CACNB2: variants seen among roughly 807,000 people sequenced by gnomAD.
CACNB2 encodes voltage-dependent L-type calcium channel subunit beta-2.
In CACNB2, 42 loss-of-function variants were observed where a neutral mutation model predicts 73.3. The ratio of observed to expected loss-of-function variants is 0.57; its 90% CI spans 0.45 to 0.74. The LOEUF (loss-of-function observed/expected upper bound fraction) is 0.74. CACNB2 is among the 30% of genes least tolerant of loss of function. The probability of loss-of-function intolerance (pLI) is 0.00; values close to 1 mark genes in which losing one functional copy is unlikely to be tolerated. For synonymous variants in CACNB2, 348 were observed against 310.3 expected (o/e 1.12, Z -1.28); for missense variants, 940 against 853.0 (o/e 1.10, Z -1.27).
chr10:18,371,695 T>G (rs1444311785), intron 2 of CACNB2, among the ~76,000 whole-genome samples: 1 of 152,218 alleles, frequency 6.6e-6, no homozygotes, highest in Non-Finnish European at 1.5e-5. Context: ...CAGCATGATT[T>G]ATAATCCTTT....
chr10:18,140,853 A>G lies in CACNB2; in HGVS notation c.117A>G (p.Ala39=), dbSNP rs781053026. The stretch of plus-strand genomic sequence containing the variant: ...CCGCGGGGGCGCTCGGAGCCGCCGC[A>G]CAGGTAGCGAGAGCGCGGCGCCTTC... ...VAPAGALGAA[A]QSYGKGARRK... The change falls in exon 1 of 14, where the codon GCA becomes GCG. Residue 39 remains alanine (A), a synonymous_variant. Coordinates refer to ENST00000324631, the MANE Select transcript of CACNB2 (RefSeq NM_201596.3). 9.4e-6 allele frequency: 15 copies of G among 1,599,596 alleles called. No homozygotes were observed. Among genetic ancestry groups the G allele is most frequent in the Admixed American group, 5.2e-5 (3 of 57,944 alleles).
At chr10:18,293,276 C>T (rs546992546) in intron 2 of CACNB2, among the ~76,000 whole-genome samples, 2 of 152,170 alleles carry the variant, frequency 1.3e-5, no homozygotes, top group Non-Finnish European at 2.9e-5. Flanking sequence ...TTCACTTCCT[C>T]TTAGTAAAAC....
chr10:18,538,409 G>GA, intron 13 of CACNB2, 44 bp downstream of exon 13: 1 of 1,573,488 alleles, frequency 6.4e-7, no homozygotes, highest in South Asian at 1.1e-5. Flanking sequence ...AATCTTCATA[G>GA]AAAAAAGGTT....
intron 2 of CACNB2, among the ~76,000 whole-genome samples, chr10:18,360,450 C>CTGGCT (rs1324974779): frequency 1.3e-5 from 2 of 152,118 alleles, no homozygotes; most frequent in African/African-American, 4.8e-5. Flanking sequence ...ATCTTAAATC[C>CTGGCT]TGGCTTCAAG....
intron 2 of CACNB2, among the ~76,000 whole-genome samples, chr10:18,205,606 AT>A (rs1380632666): frequency 6.6e-6 from 1 of 152,192 alleles, no homozygotes; most frequent in Admixed American, 6.5e-5. Context: ...ACAAAATTCT[AT>A]GCAGCTTAAA....
At chr10:18,255,806 G>A (rs1249239405) in intron 2 of CACNB2, among the ~76,000 whole-genome samples, 1 of 152,190 alleles carries the variant, frequency 6.6e-6, no homozygotes, top group Non-Finnish European at 1.5e-5. Flanking sequence ...TAAAATCGCA[G>A]CCACAGAAAA....
intron 2 of CACNB2, among the ~76,000 whole-genome samples, chr10:18,231,001 G>T (rs922827489): frequency 6.6e-6 from 1 of 152,102 alleles, no homozygotes; most frequent in South Asian, 2.1e-4. Flanking sequence ...GAGAAGGAAG[G>T]TTAGTAGGCT....
intron 2 of CACNB2, among the ~76,000 whole-genome samples, chr10:18,337,529 A>G (rs1295711735): frequency 6.6e-6 from 1 of 152,212 alleles, no homozygotes; most frequent in Non-Finnish European, 1.5e-5. Flanking sequence ...AGTTTTTCCT[A>G]ACTTTAGACA....
chr10:18,282,116 G>A (rs1383478860), intron 2 of CACNB2, among the ~76,000 whole-genome samples: 1 of 151,942 alleles, frequency 6.6e-6, no homozygotes, highest in African/African-American at 2.4e-5. Context: ...TGGCAGTGGG[G>A]AGCATTTGTT....
chr10:18,267,233 T>C (rs1164080822), intron 2 of CACNB2, among the ~76,000 whole-genome samples: 1 of 152,168 alleles, frequency 6.6e-6, no homozygotes, highest in Non-Finnish European at 1.5e-5. Context: ...ATATTGGCCA[T>C]GTTAAAATCC....
At chr10:18,298,753 A>G (rs934330194) in intron 2 of CACNB2, among the ~76,000 whole-genome samples, 1 of 152,196 alleles carries the variant, frequency 6.6e-6, no homozygotes, top group African/African-American at 2.4e-5. Context: ...TTGTAGTTCA[A>G]CTGCACTGTG....
At chr10:18,516,479 G>T (rs1211637875) in intron 7 of CACNB2, among the ~76,000 whole-genome samples, 4 of 152,146 alleles carry the variant, frequency 2.6e-5, no homozygotes, top group South Asian at 4.1e-4. Flanking sequence ...AAAATTTCTT[G>T]GTAGCTGTTA....
intron 2 of CACNB2, among the ~76,000 whole-genome samples, chr10:18,301,735 G>T (rs971581472): frequency 6.7e-6 from 1 of 150,282 alleles, no homozygotes; most frequent in Non-Finnish European, 1.5e-5. Flanking sequence ...TGCAACCTCC[G>T]CCTTCTGGGT....
rs1271822094 is a variant in CACNB2 at position 18,214,511 on chromosome 10, C to T, written c.213+63536C>T. Reference sequence around the variant, plus strand: ...GTGTGGTGGCATGTGCCTGTAATCCCAGCTACTCAGGTGGCTGAGGCAGGA... The same window carrying T: ...GTGTGGTGGCATGTGCCTGTAATCCTAGCTACTCAGGTGGCTGAGGCAGGA... On this transcript the variant is annotated intron_variant, in intron 2 of 13. Transcript: ENST00000324631. 5.7e-5 allele frequency among the ~76,000 whole-genome samples: 4 copies of T among 69,740 alleles called. 2 individuals carry two copies. The South Asian group carries it at 2.2e-3, about 38-fold the overall frequency. 45.8% of individuals were successfully genotyped at this position (69,740 alleles called of 152,430 possible). A position where few individuals can be genotyped will look rare whatever the true frequency, so the allele number is the denominator to read the frequency against.
At chr10:18,421,228 A>T (rs889043022) in intron 3 of CACNB2, among the ~76,000 whole-genome samples, 2 of 150,312 alleles carry the variant, frequency 1.3e-5, no homozygotes, top group Admixed American at 1.3e-4. Context: ...TGAAATACAT[A>T]TTTTTTTTTT....
chr10:18,361,589 G>A lies in CACNB2; in HGVS notation c.214-40335G>A, dbSNP rs1021372688. On this transcript the variant is annotated intron_variant, in intron 2 of 13. Coordinates refer to ENST00000324631, the MANE Select transcript of CACNB2 (RefSeq NM_201596.3). ...ATTTCTCCACGGTTGTTATATTACT[G>A]TTATCCTGTCTAAGGTAAAATTCTT... is the stretch of plus-strand genomic sequence containing the variant. Among the ~76,000 whole-genome samples the A allele has an allele frequency of 6.2e-5, 9 of 145,324 alleles. No homozygotes were observed. The East Asian group carries it at 1.6e-3, about 26-fold the overall frequency.
intron 2 of CACNB2, among the ~76,000 whole-genome samples, chr10:18,266,084 A>G (rs1178071509): frequency 6.6e-6 from 1 of 152,202 alleles, no homozygotes; most frequent in Non-Finnish European, 1.5e-5. Flanking sequence ...GCAATTCGGT[A>G]CTCTAGTTAA....
chr10:18,502,689 C>CAAAAAAAA (rs71200974), intron 5 of CACNB2, among the ~76,000 whole-genome samples: 11 of 73,254 alleles, frequency 1.5e-4, no homozygotes, highest in Admixed American at 2.2e-4. Flanking sequence ...GACTCCATCT[C>CAAAAAAAA]AAAAAAAAAA....
chr10:18,407,881 T>G (rs1213886208), intron 3 of CACNB2, among the ~76,000 whole-genome samples: 1 of 152,192 alleles, frequency 6.6e-6, no homozygotes, highest in Non-Finnish European at 1.5e-5. Context: ...AGATACTAAT[T>G]TTTTTGAAGT....
Sources: gnomAD v4.1 joint callset for allele counts (sites outside exome capture counted in the v4.1 genomes callset) on GRCh38, gnomAD v4.1.1 for gene constraint, MANE v1.5 for transcripts, NCBI Gene and HGNC (gene_info 2026-07-23, HGNC 2026-07-21) for gene names.